WASHC4: variants seen among roughly 807,000 people sequenced by gnomAD.
The protein encoded by WASHC4 is WASH complex subunit 7.
In WASHC4, 86 loss-of-function variants were observed where a neutral mutation model predicts 166.6. The ratio of observed to expected loss-of-function variants is 0.52; its 90% CI spans 0.43 to 0.62. The LOEUF is 0.62. WASHC4 is among the 20% of genes least tolerant of loss of function. WASHC4 has a pLI of 0.00. For synonymous variants in WASHC4, 446 were observed against 451.6 expected (o/e 0.99, Z 0.16); for missense variants, 1,262 against 1,382.4 (o/e 0.91, Z 1.38).
rs1213217503 is a variant in WASHC4, at chr12:105,157,285, G to T, written c.2875G>T (p.Glu959Ter). ...DIVNFEELVKEEGLAEETLKA... is the reference protein window; with the variant it reads ...DIVNFEELVK Reference sequence around the variant, plus strand: ...TGTAAATTTTGAAGAACTAGTAAAAGAAGAAGGTCTTGCAGAAGAAACATT... The same window carrying T: ...TGTAAATTTTGAAGAACTAGTAAAATAAGAAGGTCTTGCAGAAGAAACATT... Residue 959 changes from glutamate to a stop codon, truncating the protein, a stop_gained, in exon 28 of 33, where the codon GAA becomes TAA. Coordinates refer to ENST00000332180, the MANE Select transcript of WASHC4 (RefSeq NM_015275.3). LOFTEE classifies it high-confidence loss of function. The T allele has an allele frequency of 1.3e-6, 2 of 1,565,944 alleles. No individual in the cohort carries two copies. Among genetic ancestry groups the T allele is most frequent in the Non-Finnish European group, 1.8e-6 (2 of 1,139,860 alleles).
In WASHC4 at chr12:105,168,319, T is replaced by C. The variant is rs1210968110; in HGVS notation, c.*1388T>C. 1 of 152,562 alleles carries C rather than the reference T, an allele frequency of 6.6e-6. No homozygotes were observed. The highest frequency in any genetic ancestry group is 1.5e-5 in the Non-Finnish European group (1 of 67,952). 9.5% of individuals were successfully genotyped at this position (152,562 alleles called of 1,614,324 possible). On this transcript the variant is annotated 3_prime_UTR_variant, in exon 33 of 33. Coordinates refer to ENST00000332180, the MANE Select transcript of WASHC4 (RefSeq NM_015275.3). ...ATGTTTTTTGTTTATTATGTAAACA[T>C]GGCTTACAGAATTATGAACAGTGGA...
chr12:105,160,552 G>C (rs1177170632), intron 29 of WASHC4, among the ~76,000 whole-genome samples: 1 of 152,012 alleles, frequency 6.6e-6, no homozygotes, highest in African/African-American at 2.4e-5. Context: ...GGGTCTCACT[G>C]TGTAGCCTAA....
In WASHC4 at chr12:105,138,039, A is replaced by G. The variant is rs148306903; in HGVS notation, c.1452+28A>G. On this transcript the variant is annotated intron_variant, in intron 15 of 32. Transcript: ENST00000332180. ...AGGTTTTAGATTATTTTACTGCTCC[A>G]TCATAATTGAGAAATGACCCAGGCT... 221 of 1,601,788 alleles carry G rather than the reference A, an allele frequency of 1.4e-4. 2 individuals carry two copies. In the Admixed American group the frequency reaches 3.7e-3, roughly 27 times the overall value.
At chr12:105,154,383 A>T (rs996417849) in intron 26 of WASHC4, among the ~76,000 whole-genome samples, 2 of 152,178 alleles carry the variant, frequency 1.3e-5, no homozygotes, top group African/African-American at 4.8e-5. Context: ...TTTGAGTCTG[A>T]TAAATATCTT....
intron 5 of WASHC4, 139 bp from the exon 6 acceptor site, chr12:105,115,522 T>C (rs919737854): frequency 5.0e-5 from 34 of 679,352 alleles, no homozygotes; most frequent in Non-Finnish European, 8.4e-5. Context: ...TTTTTCTCTT[T>C]GGTGTAAAAA....
At chr12:105,144,508 T>A in intron 21 of WASHC4, 53 bp downstream of exon 21, 1 of 1,268,274 alleles carries the variant, frequency 7.9e-7, no homozygotes, top group Admixed American at 1.9e-5. Context: ...TTTTTTTTTT[T>A]ACCCTACTGT....
chr12:105,144,686 GTTTCA>G, intron 21 of WASHC4, 27 bp from the exon 22 acceptor site: 1 of 1,584,538 alleles, frequency 6.3e-7, no homozygotes, highest in East Asian at 2.2e-5. Context: ...CTTTTCTACT[GTTTCA>G]CAAGTTGAAT....
At chr12:105,140,757 A>G in intron 16 of WASHC4, 142 bp from the exon 17 acceptor site, 1 of 810,760 alleles carries the variant, frequency 1.2e-6, no homozygotes, top group Non-Finnish European at 2.0e-6. Flanking sequence ...GAAGTAAAGT[A>G]TAAATGTCAG....
intron 13 of WASHC4, among the ~76,000 whole-genome samples, chr12:105,128,057 A>C (rs892735367): frequency 6.6e-6 from 1 of 152,182 alleles, no homozygotes. Flanking sequence ...CACTAGCCCC[A>C]TGCTGGTGAC....
intron 24 of WASHC4, chr12:105,149,291 A>G (rs2089684976): frequency 1.0e-6 from 1 of 985,336 alleles, no homozygotes; most frequent in Non-Finnish European, 1.2e-6. Context: ...TCACTGGACC[A>G]TGGCTTAAAA....
rs184479203 is a variant in WASHC4, at chr12:105,108,667, A to G, written c.61+806A>G. On this transcript the variant is annotated intron_variant, in intron 1 of 32. Transcript: ENST00000332180. ...TACTTGAAATAAATACAAGTTGGCAATCTGCTTCTTATCTTTGGTCATAGT... is the reference window on the plus strand; with the variant it reads ...TACTTGAAATAAATACAAGTTGGCAGTCTGCTTCTTATCTTTGGTCATAGT... Among the ~76,000 whole-genome samples the G allele has an allele frequency of 1.8e-3, 270 of 152,328 alleles. 3 individuals carry two copies. Among genetic ancestry groups the G allele is most frequent in the African/African-American group, 6.4e-3 (267 of 41,566 alleles).
chr12:105,147,104 T>A lies in WASHC4; in HGVS notation c.2472T>A (p.Ala824=). 1 of 1,611,620 alleles carries A rather than the reference T, an allele frequency of 6.2e-7. No homozygotes were observed. Among genetic ancestry groups the A allele is most frequent in the Non-Finnish European group, 8.5e-7 (1 of 1,177,710 alleles). Reference sequence around the variant, plus strand: ...ATACTATTAATATTCGGCATATTGCTAATTCAATTCGAACACATGGCACGG... The same window carrying A: ...ATACTATTAATATTCGGCATATTGCAAATTCAATTCGAACACATGGCACGG... ...HLNTINIRHI[A]NSIRTHGTGI... The change falls in exon 24 of 33, where the codon GCT becomes GCA. Residue 824 remains alanine, a synonymous_variant. Coordinates refer to ENST00000332180, the MANE Select transcript of WASHC4 (RefSeq NM_015275.3).
chr12:105,127,593 A>G (rs557765037), intron 13 of WASHC4, among the ~76,000 whole-genome samples: 4 of 152,334 alleles, frequency 2.6e-5, no homozygotes, highest in African/African-American at 9.6e-5. Context: ...GTTGCAGTAG[A>G]TATCATTTGA....
At chr12:105,148,848 T>G (rs1464118149) in intron 24 of WASHC4, 120 of 985,222 alleles carry the variant, frequency 1.2e-4, no homozygotes, top group Non-Finnish European at 1.4e-4. Context: ...GGAATTAATC[T>G]TTTGCTATTT....
chr12:105,153,523 G>A (rs1266304329), intron 26 of WASHC4, among the ~76,000 whole-genome samples: 1 of 152,156 alleles, frequency 6.6e-6, no homozygotes, highest in Non-Finnish European at 1.5e-5. Context: ...TTCTTCAAGT[G>A]GACATTTAAT....
chr12:105,135,863 ATCTGTTGTTTC>A (rs1269598441), intron 14 of WASHC4, among the ~76,000 whole-genome samples: 1 of 152,074 alleles, frequency 6.6e-6, no homozygotes, highest in Non-Finnish European at 1.5e-5. Context: ...TATTTGTCTT[ATCTGTTGTTTC>A]TCTTGTTTTT....
intron 9 of WASHC4, 57 bp downstream of exon 9, chr12:105,121,261 A>C: frequency 9.7e-7 from 1 of 1,032,888 alleles, no homozygotes; most frequent in Non-Finnish European, 1.5e-6. Flanking sequence ...TATTTGTGTT[A>C]GTAAAAAGTA....
intron 14 of WASHC4, among the ~76,000 whole-genome samples, chr12:105,137,377 T>C (rs892241392): frequency 1.3e-5 from 2 of 152,128 alleles, no homozygotes; most frequent in African/African-American, 2.4e-5. Flanking sequence ...TCTAGGTGAA[T>C]AGGAAAGGGG....
chr12:105,121,498 G>T (rs1030991501), intron 9 of WASHC4, among the ~76,000 whole-genome samples: 3 of 152,006 alleles, frequency 2.0e-5, no homozygotes, highest in Non-Finnish European at 4.4e-5. Context: ...TTCTATTCAG[G>T]TGACAGTTTT....
Sources: allele counts gnomAD v4.1 joint callset (sites outside exome capture counted in the v4.1 genomes callset), GRCh38; gene constraint gnomAD v4.1.1; transcripts MANE v1.5; gene names NCBI Gene and HGNC (gene_info 2026-07-23, HGNC 2026-07-21).